The following SLC39A12 variants were observed in gnomAD, a reference collection of about 807,000 sequenced individuals.
The protein encoded by SLC39A12 is zinc transporter ZIP12.
Under a neutral mutation model 71.1 loss-of-function variants are expected in SLC39A12, and 63 were observed. That is an observed-to-expected ratio of 0.89 (90% CI 0.72 to 1.09). The LOEUF is 1.09. Among genes scored for constraint, SLC39A12 ranks in the 50% least tolerant of loss-of-function variants. The pLI is 0.00. For missense variants in SLC39A12, 892 were observed against 812.6 expected (o/e 1.10, Z -1.19); for synonymous variants, 351 against 301.3 (o/e 1.16, Z -1.71).
Position 18,042,685 on chromosome 10 carries a change from G to T in SLC39A12, c.1948-20G>T, listed in dbSNP as rs759731883. ...TTGAATATATCTGGATCTTATTCTG[G>T]TTTTTTATTCTTTTTTTAGCTTCCT... is the stretch of plus-strand genomic sequence containing the variant. On this transcript the variant is annotated intron_variant, in intron 12 of 12. Transcript: ENST00000377369. The T allele has an allele frequency of 2.3e-5, 37 of 1,594,756 alleles. No individual in the cohort carries two copies. The South Asian group carries it at 3.0e-4, about 13-fold the overall frequency.
intron 10 of SLC39A12, among the ~76,000 whole-genome samples, chr10:17,996,733 C>CA (rs1056371093): frequency 2.6e-5 from 4 of 152,078 alleles, no homozygotes; most frequent in African/African-American, 9.7e-5. Flanking sequence ...CGCGGTGGCT[C>CA]ACGCCTGTAA....
intron 12 of SLC39A12, among the ~76,000 whole-genome samples, chr10:18,020,435 G>T (rs1337975609): frequency 6.6e-6 from 1 of 152,086 alleles, no homozygotes; most frequent in Non-Finnish European, 1.5e-5. Context: ...ACATATGGGT[G>T]CATGTGTCTT....
Position 17,953,810 on chromosome 10 carries a change from G to A in SLC39A12, c.261+273G>A, listed in dbSNP as rs112389235. 3.9e-5 allele frequency among the ~76,000 whole-genome samples: 6 copies of A among 152,282 alleles called. No homozygotes were observed. In the South Asian group the frequency reaches 6.2e-4, roughly 16 times the overall value. On this transcript the variant is annotated intron_variant, in intron 2 of 12. Coordinates refer to ENST00000377369, the MANE Select transcript of SLC39A12 (RefSeq NM_001145195.2). Reference sequence around the variant, plus strand: ...TATTTAGAGGCATTTATTTGTGAGCGCGAACTTTTAGTCCTCTTTTCTGAT... The same window carrying A: ...TATTTAGAGGCATTTATTTGTGAGCACGAACTTTTAGTCCTCTTTTCTGAT...
chr10:17,964,170 C>G (rs1253467741), intron 3 of SLC39A12, among the ~76,000 whole-genome samples: 1 of 152,154 alleles, frequency 6.6e-6, no homozygotes, highest in African/African-American at 2.4e-5. Context: ...TTTCGAGACC[C>G]TTATTGTTTC....
At chr10:18,031,516 T>A (rs1288589147) in intron 12 of SLC39A12, among the ~76,000 whole-genome samples, 1 of 127,212 alleles carries the variant, frequency 7.9e-6, no homozygotes, top group African/African-American at 2.9e-5. Flanking sequence ...TCTTGTAAAT[T>A]TGTTTGAGTT....
chr10:18,036,932 A>T, intron 12 of SLC39A12, among the ~76,000 whole-genome samples: 1 of 151,044 alleles, frequency 6.6e-6, no homozygotes. Flanking sequence ...GATGACAGGC[A>T]CCCGCCACCA....
At chr10:18,017,999 A>T (rs775784995) in intron 12 of SLC39A12, among the ~76,000 whole-genome samples, 2 of 152,200 alleles carry the variant, frequency 1.3e-5, no homozygotes, top group Non-Finnish European at 2.9e-5. Context: ...GAGGATATAC[A>T]GTCTTCCTAC....
intron 12 of SLC39A12, among the ~76,000 whole-genome samples, chr10:18,036,521 C>G (rs2488127): frequency 6.6e-6 from 1 of 151,140 alleles, no homozygotes; most frequent in Non-Finnish European, 1.5e-5. Context: ...GCACGGTGCG[C>G]GCACCCACTG....
intron 12 of SLC39A12, chr10:18,004,174 T>A (rs1457993130): frequency 1.3e-5 from 2 of 152,206 alleles, no homozygotes; most frequent in Admixed American, 6.5e-5. Context: ...TTTACAACTT[T>A]AAAAATATCT....
At chr10:17,984,993 T>C (rs958036419) in intron 6 of SLC39A12, among the ~76,000 whole-genome samples, 2 of 152,176 alleles carry the variant, frequency 1.3e-5, no homozygotes, top group Non-Finnish European at 2.9e-5. Context: ...AGAACTTACG[T>C]TTCAGTAAAG....
chr10:18,007,726 A>T (rs145500342), intron 12 of SLC39A12, among the ~76,000 whole-genome samples: 178 of 152,224 alleles, frequency 1.2e-3, no homozygotes, highest in Admixed American at 2.2e-3. Context: ...GGCATTTGTA[A>T]GTTGTCATGG....
At chr10:18,024,904 C>T (rs1232141718) in intron 12 of SLC39A12, among the ~76,000 whole-genome samples, 1 of 152,190 alleles carries the variant, frequency 6.6e-6, no homozygotes, top group Non-Finnish European at 1.5e-5. Context: ...TCTGCTCAGT[C>T]TGAAATTTAA....
intron 12 of SLC39A12, among the ~76,000 whole-genome samples, chr10:18,023,816 C>A (rs1320432516): frequency 6.6e-6 from 1 of 152,140 alleles, no homozygotes; most frequent in Non-Finnish European, 1.5e-5. Context: ...GAGCCACCAC[C>A]AACCTAAGTG....
intron 12 of SLC39A12, among the ~76,000 whole-genome samples, chr10:18,016,896 C>T (rs1390115925): frequency 1.3e-5 from 2 of 152,064 alleles, no homozygotes; most frequent in East Asian, 3.9e-4. Flanking sequence ...TGTCTGTTTT[C>T]CTCTTAACTT....
At chr10:17,959,139 T>A (rs1451651703) in intron 2 of SLC39A12, among the ~76,000 whole-genome samples, 2 of 152,178 alleles carry the variant, frequency 1.3e-5, no homozygotes, top group African/African-American at 4.8e-5. Context: ...TATAAAAGTG[T>A]AAGTTTTTCA....
intron 7 of SLC39A12, among the ~76,000 whole-genome samples, chr10:17,988,507 G>T (rs1835461623): frequency 6.6e-6 from 1 of 152,160 alleles, no homozygotes; most frequent in East Asian, 1.9e-4. Flanking sequence ...ACACCCTGCA[G>T]AACCAGGAGC....
chr10:18,014,638 A>G (rs964383228), intron 12 of SLC39A12, among the ~76,000 whole-genome samples: 1 of 152,194 alleles, frequency 6.6e-6, no homozygotes, highest in Non-Finnish European at 1.5e-5. Context: ...ATTTATGACA[A>G]TAAATAAAGG....
At chr10:17,989,479 G>T (rs1469715017) in intron 7 of SLC39A12, among the ~76,000 whole-genome samples, 1 of 124,210 alleles carries the variant, frequency 8.1e-6, no homozygotes, top group Non-Finnish European at 1.5e-5. Context: ...AGCAGAAAAA[G>T]GCTCTCAGGT....
rs768343469 is a variant in SLC39A12 at position 18,003,250 on chromosome 10, CTTCATGGGATTA to C, written c.1841_1852del (p.Phe614_Leu617del). The C allele has an allele frequency of 6.2e-7, 1 of 1,614,078 alleles. No individual in the cohort carries two copies. On this transcript the variant is annotated inframe_deletion, in exon 12 of 13. Transcript: ENST00000377369. ...TGAATTTTATAAGCTCCCTAACTGC[CTTCATGGGATTA>C]TACATTGGCCTTTCCGTGTCAGCTG...
Sources: allele counts gnomAD v4.1 joint callset (sites outside exome capture counted in the v4.1 genomes callset), GRCh38; gene constraint gnomAD v4.1.1; transcripts MANE v1.5; gene names NCBI Gene and HGNC (gene_info 2026-07-23, HGNC 2026-07-21).